Variants in TMEM117 observed in about 807,000 individuals in gnomAD.
TMEM117 encodes transmembrane protein 117.
TMEM117 carries 27 observed loss-of-function variants against 52.4 expected under a neutral mutation model. The ratio of observed to expected loss-of-function variants is 0.51; its 90% CI spans 0.38 to 0.71. The LOEUF (loss-of-function observed/expected upper bound fraction) is 0.71. TMEM117 is among the 30% of genes least tolerant of loss of function. The pLI is 0.00. For synonymous variants in TMEM117, 215 were observed against 206.3 expected, an observed-to-expected ratio of 1.04 and a Z score of -0.36; for missense variants, 556 against 630.5, an observed-to-expected ratio of 0.88 and a Z score of 1.26.
At chr12:43,860,181 C>G (rs1005499795) in intron 2 of TMEM117, among the ~76,000 whole-genome samples, 3 of 152,152 alleles carry the variant, frequency 2.0e-5, no homozygotes, top group Non-Finnish European at 4.4e-5. Flanking sequence ...CTAGTCCCCC[C>G]ACCCCGTGAC....
At chr12:44,359,362 A>G (rs1951692480) in intron 6 of TMEM117, among the ~76,000 whole-genome samples, 1 of 152,144 alleles carries the variant, frequency 6.6e-6, no homozygotes, top group Admixed American at 6.6e-5. Context: ...TTTTACTACA[A>G]TAATAAAACT....
At chr12:44,281,192 A>G (rs1007207206) in intron 5 of TMEM117, among the ~76,000 whole-genome samples, 4 of 152,224 alleles carry the variant, frequency 2.6e-5, no homozygotes, top group African/African-American at 9.6e-5. Context: ...TCATTGTGAC[A>G]TGACATTACA....
intron 5 of TMEM117, among the ~76,000 whole-genome samples, chr12:44,282,121 G>A (rs192299107): frequency 9.9e-5 from 15 of 152,120 alleles, no homozygotes; most frequent in African/African-American, 2.7e-4. Flanking sequence ...TTCTCTTGTT[G>A]CCACCATGTA....
chr12:44,289,350 C>T (rs1358908384), intron 5 of TMEM117, among the ~76,000 whole-genome samples: 1 of 151,256 alleles, frequency 6.6e-6, no homozygotes, highest in Non-Finnish European at 1.5e-5. Context: ...ATGATATGAA[C>T]AAGAAAGTGC....
chr12:44,347,355 T>A (rs1951501777), intron 6 of TMEM117, among the ~76,000 whole-genome samples: 1 of 152,098 alleles, frequency 6.6e-6, no homozygotes, highest in African/African-American at 2.4e-5. Flanking sequence ...ATCTCAAGTA[T>A]GTTCCCAAGA....
At chr12:43,852,515 T>C (rs1290021203) in intron 2 of TMEM117, among the ~76,000 whole-genome samples, 1 of 152,138 alleles carries the variant, frequency 6.6e-6, no homozygotes, top group South Asian at 2.1e-4. Flanking sequence ...GGCAGCAAAA[T>C]CACTTGAACC....
At chr12:43,989,302 A>G (rs1945899134) in intron 3 of TMEM117, among the ~76,000 whole-genome samples, 1 of 152,064 alleles carries the variant, frequency 6.6e-6, no homozygotes, top group African/African-American at 2.4e-5. Context: ...CTTTCTAGTC[A>G]CTGTGCTTGA....
At chr12:44,079,996 C>T (rs1416807506) in intron 3 of TMEM117, among the ~76,000 whole-genome samples, 7 of 128,332 alleles carry the variant, frequency 5.5e-5, no homozygotes, top group South Asian at 5.1e-4. Context: ...CCAGCCTGGG[C>T]GACAGAGTAA....
intron 5 of TMEM117, among the ~76,000 whole-genome samples, chr12:44,258,896 TTGTC>T (rs1462573124): frequency 1.3e-5 from 2 of 152,114 alleles, no homozygotes; most frequent in Non-Finnish European, 2.9e-5. Flanking sequence ...CACTTGAAAT[TTGTC>T]TGAATTGAGA....
chr12:44,161,639 G>T (rs12307454), intron 4 of TMEM117, among the ~76,000 whole-genome samples: 40,893 of 152,070 alleles, frequency 0.27, 9,906 homozygotes, highest in African/African-American at 0.65. Context: ...AGCATATAGA[G>T]TACATGAATT....
intron 3 of TMEM117, among the ~76,000 whole-genome samples, chr12:44,106,293 T>C (rs79923421): frequency 0.01 from 1,523 of 152,148 alleles, 9 homozygotes; most frequent in African/African-American, 0.016. Flanking sequence ...TTGTCTATTA[T>C]TTATATTTAA....
At chr12:44,210,361 T>C (rs1949629723) in intron 4 of TMEM117, among the ~76,000 whole-genome samples, 2 of 152,180 alleles carry the variant, frequency 1.3e-5, no homozygotes, top group Non-Finnish European at 2.9e-5. Flanking sequence ...AGATTAACTA[T>C]TTATAATACT....
intron 2 of TMEM117, among the ~76,000 whole-genome samples, chr12:43,887,075 C>T (rs1320000833): frequency 6.6e-6 from 1 of 152,174 alleles, no homozygotes; most frequent in East Asian, 1.9e-4. Flanking sequence ...TCTCGAGCTC[C>T]TGACCTCAAG....
chr12:43,984,998 T>C (rs1945824431), intron 3 of TMEM117, among the ~76,000 whole-genome samples: 1 of 150,544 alleles, frequency 6.6e-6, no homozygotes, highest in South Asian at 2.1e-4. Context: ...GCAACTTCTC[T>C]CTTTGAGATT....
At chr12:44,222,735 A>G (rs1054533277) in intron 5 of TMEM117, among the ~76,000 whole-genome samples, 54 of 152,166 alleles carry the variant, frequency 3.5e-4, no homozygotes, top group African/African-American at 1.3e-3. Flanking sequence ...CAGGTCAGTC[A>G]GGCCTCTTGA....
At chr12:44,255,757 C>CA (rs910650332) in intron 5 of TMEM117, among the ~76,000 whole-genome samples, 20 of 151,928 alleles carry the variant, frequency 1.3e-4, no homozygotes, top group Non-Finnish European at 2.5e-4. Context: ...AAAATACTGG[C>CA]AAAAAATCAA....
At chr12:44,105,736 T>C (rs868365747) in intron 3 of TMEM117, among the ~76,000 whole-genome samples, 2 of 151,940 alleles carry the variant, frequency 1.3e-5, no homozygotes, top group Non-Finnish European at 2.9e-5. Flanking sequence ...TAGAGTTGGG[T>C]ATTTCCCTTC....
At chr12:44,012,890 G>C (rs988281674) in intron 3 of TMEM117, among the ~76,000 whole-genome samples, 2 of 152,138 alleles carry the variant, frequency 1.3e-5, no homozygotes, top group Non-Finnish European at 1.5e-5. Context: ...TTGAAAGGAG[G>C]ACATGATGTA....
At chr12:44,097,306 G>A (rs1309772082) in intron 3 of TMEM117, among the ~76,000 whole-genome samples, 3 of 152,146 alleles carry the variant, frequency 2.0e-5, no homozygotes, top group African/African-American at 7.2e-5. Context: ...AGTCAGTGTG[G>A]TGATTCCTCA....
Sources: allele counts gnomAD v4.1 joint callset (sites outside exome capture counted in the v4.1 genomes callset), GRCh38; gene constraint gnomAD v4.1.1; transcripts MANE v1.5; gene names NCBI Gene and HGNC (gene_info 2026-07-23, HGNC 2026-07-21).